RAB27B: variants seen among roughly 807,000 people sequenced by gnomAD.
RAB27B encodes the protein RAB27B, member RAS oncogene family.
Under a neutral mutation model 24.6 loss-of-function variants are expected in RAB27B, and 15 were observed. The ratio of observed to expected loss-of-function variants is 0.61; its 90% confidence interval spans 0.41 to 0.94. RAB27B has a LOEUF of 0.94. RAB27B is among the 40% of genes least tolerant of loss of function. RAB27B has a pLI of 0.00. For missense variants in RAB27B, 261 were observed against 266.8 expected, an observed-to-expected ratio of 0.98 and a Z score of 0.15; for synonymous variants, 105 against 92.5, an observed-to-expected ratio of 1.14 and a Z score of -0.78.
intron 2 of RAB27B, among the ~76,000 whole-genome samples, chr18:54,784,119 G>C (rs1038219510): frequency 6.6e-6 from 1 of 152,138 alleles, no homozygotes; most frequent in Admixed American, 6.5e-5. Context: ...CCTATGGCTG[G>C]AGAGTCATGC....
intron 2 of RAB27B, among the ~76,000 whole-genome samples, chr18:54,727,103 A>G (rs1157893903): frequency 6.6e-6 from 1 of 152,098 alleles, no homozygotes; most frequent in African/African-American, 2.4e-5. Flanking sequence ...CTCAGCCTAT[A>G]GCTGGGATTA....
chr18:54,758,674 C>G (rs1236014580), intron 2 of RAB27B, among the ~76,000 whole-genome samples: 1 of 148,742 alleles, frequency 6.7e-6, no homozygotes, highest in Non-Finnish European at 1.5e-5. Context: ...AGCTAAGAGA[C>G]CCTACCAGAC....
chr18:54,787,109 C>T (rs1909110776), intron 2 of RAB27B, among the ~76,000 whole-genome samples: 1 of 152,204 alleles, frequency 6.6e-6, no homozygotes, highest in Admixed American at 6.5e-5. Context: ...ATAGATATCA[C>T]CATCTGAATT....
At chr18:54,874,391 A>T (rs1912606797) in intron 1 of RAB27B, among the ~76,000 whole-genome samples, 1 of 152,150 alleles carries the variant, frequency 6.6e-6, no homozygotes, top group African/African-American at 2.4e-5. Flanking sequence ...ATTTTCTCAG[A>T]TCCTTATTTC....
intron 2 of RAB27B, among the ~76,000 whole-genome samples, chr18:54,806,018 G>C (rs1449570962): frequency 2.0e-5 from 3 of 152,122 alleles, no homozygotes; most frequent in Admixed American, 6.5e-5. Context: ...TTCTAATTTA[G>C]CTGTTTCATC....
intron 1 of RAB27B, among the ~76,000 whole-genome samples, chr18:54,833,825 T>G (rs1157432795): frequency 6.6e-6 from 1 of 152,082 alleles, no homozygotes; most frequent in Non-Finnish European, 1.5e-5. Flanking sequence ...CTTGGAGCGT[T>G]CAAGAAACTG....
At chr18:54,878,773 C>T (rs187939797) in intron 2 of RAB27B, among the ~76,000 whole-genome samples, 2 of 151,860 alleles carry the variant, frequency 1.3e-5, no homozygotes. Flanking sequence ...AAAAATTAAA[C>T]TTACCTAAAA....
chr18:54,851,503 G>T (rs1277935221), intron 1 of RAB27B, among the ~76,000 whole-genome samples: 2 of 152,036 alleles, frequency 1.3e-5, no homozygotes, highest in Non-Finnish European at 2.9e-5. Context: ...ATTTAGGGTT[G>T]CCAAATGAAA....
At chr18:54,835,711 T>C (rs1910868108) in intron 1 of RAB27B, among the ~76,000 whole-genome samples, 1 of 152,070 alleles carries the variant, frequency 6.6e-6, no homozygotes, top group South Asian at 2.1e-4. Context: ...TGCTAGTTGA[T>C]GAAGCCTGCA....
intron 2 of RAB27B, among the ~76,000 whole-genome samples, chr18:54,817,069 A>T (rs570251935): frequency 1.5e-3 from 229 of 152,274 alleles, no homozygotes; most frequent in Middle Eastern, 6.8e-3. Flanking sequence ...TCAATTTTTT[A>T]AAAAAATCAA....
chr18:54,754,227 T>A (rs1907929488), intron 2 of RAB27B, among the ~76,000 whole-genome samples: 1 of 152,104 alleles, frequency 6.6e-6, no homozygotes, highest in African/African-American at 2.4e-5. Context: ...AAGTGGTAGC[T>A]CCTCTCTTGT....
chr18:54,757,314 T>TGA (rs1908036775), intron 2 of RAB27B, among the ~76,000 whole-genome samples: 1 of 152,206 alleles, frequency 6.6e-6, no homozygotes, highest in Non-Finnish European at 1.5e-5. Context: ...TTTGAGCTCT[T>TGA]GAGGGCTCAG....
intron 1 of RAB27B, among the ~76,000 whole-genome samples, chr18:54,869,413 G>A (rs1052576883): frequency 1.3e-5 from 2 of 152,244 alleles, no homozygotes; most frequent in Admixed American, 1.3e-4. Context: ...TTATTGACAA[G>A]TGTCAGAGTT....
intron 2 of RAB27B, among the ~76,000 whole-genome samples, chr18:54,762,108 G>T (rs1050094624): frequency 6.6e-6 from 1 of 152,164 alleles, no homozygotes; most frequent in Non-Finnish European, 1.5e-5. Context: ...AATTGGCAGC[G>T]TAAGATAGAT....
chr18:54,829,312 C>G (rs1181400286), intron 1 of RAB27B, among the ~76,000 whole-genome samples: 2 of 152,178 alleles, frequency 1.3e-5, no homozygotes, highest in East Asian at 3.9e-4. Context: ...CTTTCCCACC[C>G]AATGCAACAT....
chr18:54,751,856 C>T (rs942609395), intron 2 of RAB27B, among the ~76,000 whole-genome samples: 6 of 152,158 alleles, frequency 3.9e-5, no homozygotes, highest in Non-Finnish European at 8.8e-5. Flanking sequence ...ACAGAACATA[C>T]TGAGCCAGGA....
chr18:54,860,252 G>A (rs572747500), intron 1 of RAB27B, among the ~76,000 whole-genome samples: 5 of 152,228 alleles, frequency 3.3e-5, no homozygotes, highest in South Asian at 2.1e-4. Context: ...GTTGGTAAAT[G>A]GCTAAAATTG....
At chr18:54,866,653 G>A (rs1163627846) in intron 1 of RAB27B, among the ~76,000 whole-genome samples, 9 of 152,194 alleles carry the variant, frequency 5.9e-5, no homozygotes, top group Non-Finnish European at 1.2e-4. Context: ...TACCTGTGAC[G>A]GGGAGGGGAA....
At chr18:54,730,141 CCAAA>C (rs1909682435) in intron 2 of RAB27B, among the ~76,000 whole-genome samples, 3 of 151,900 alleles carry the variant, frequency 2.0e-5, no homozygotes, top group South Asian at 2.1e-4. Context: ...TTGGGTAAAC[CCAAA>C]CAGAGTGAAG....
Sources: allele counts gnomAD v4.1 joint callset (sites outside exome capture counted in the v4.1 genomes callset), GRCh38; gene constraint gnomAD v4.1.1; transcripts MANE v1.5; gene names NCBI Gene and HGNC (gene_info 2026-07-23, HGNC 2026-07-21).